The following NPAS3 variants were observed in gnomAD, a reference collection of about 807,000 sequenced individuals.
NPAS3 encodes neuronal PAS domain protein 3.
A neutral mutation model predicts 73.1 loss-of-function variants in NPAS3; 14 were observed. The observed-to-expected ratio is 0.19, with a 90% CI of 0.13 to 0.30. The LOEUF is 0.30. Ranked by LOEUF, NPAS3 falls within the 10% of genes least tolerant of loss-of-function variation. The pLI is 1.00. For missense variants in NPAS3, 1,096 were observed against 1,250.0 expected (o/e 0.88, Z 1.86); for synonymous variants, 620 against 541.5 (o/e 1.14, Z -2.01).
chr14:33,442,962 G>C (rs1043683521), intron 4 of NPAS3, among the ~76,000 whole-genome samples: 5 of 152,168 alleles, frequency 3.3e-5, no homozygotes, highest in African/African-American at 1.2e-4. Flanking sequence ...ACCCTTACCT[G>C]AGTTCTCTCT....
intron 1 of NPAS3, among the ~76,000 whole-genome samples, chr14:33,034,512 A>G (rs142385588): frequency 0.052 from 7,846 of 151,494 alleles, 229 homozygotes; most frequent in Non-Finnish European, 0.062. Flanking sequence ...GTTAATATAT[A>G]CCATATATTA....
intron 2 of NPAS3, among the ~76,000 whole-genome samples, chr14:33,139,459 A>C (rs2043962928): frequency 6.6e-6 from 1 of 152,186 alleles, no homozygotes; most frequent in Admixed American, 6.5e-5. Context: ...GAGAGGTGGG[A>C]ATCTTATATC....
At chr14:33,544,765 A>C (rs1474850612) in intron 4 of NPAS3, among the ~76,000 whole-genome samples, 1 of 122,524 alleles carries the variant, frequency 8.2e-6, no homozygotes, top group Non-Finnish European at 1.6e-5. Context: ...CAACATATGC[A>C]TGTATGTGTT....
intron 6 of NPAS3, among the ~76,000 whole-genome samples, chr14:33,704,817 C>T (rs1347243416): frequency 6.6e-6 from 1 of 152,158 alleles, no homozygotes; most frequent in African/African-American, 2.4e-5. Context: ...TTTTTGAATG[C>T]TGCTTAATGG....
chr14:33,097,650 G>A (rs947771731), intron 2 of NPAS3, among the ~76,000 whole-genome samples: 7 of 152,182 alleles, frequency 4.6e-5, no homozygotes, highest in African/African-American at 1.7e-4. Flanking sequence ...GAGAATTCCA[G>A]TAACTCTTTA....
chr14:33,683,427 CAAAAAAAAAA>C (rs1176606241), intron 6 of NPAS3, among the ~76,000 whole-genome samples: 4 of 77,524 alleles, frequency 5.2e-5, no homozygotes, highest in South Asian at 1.4e-3. Context: ...TTCCTCATTT[CAAAAAAAAAA>C]AAAAAAAAAA....
At chr14:33,273,183 G>A (rs893632035) in intron 3 of NPAS3, among the ~76,000 whole-genome samples, 6 of 152,100 alleles carry the variant, frequency 3.9e-5, no homozygotes, top group African/African-American at 1.2e-4. Flanking sequence ...TGACTCCCCC[G>A]CTCTTCCCCA....
chr14:33,424,417 A>G (rs968090294), intron 4 of NPAS3, among the ~76,000 whole-genome samples: 2 of 151,966 alleles, frequency 1.3e-5, no homozygotes, highest in African/African-American at 2.4e-5. Flanking sequence ...CAGAGGTTGT[A>G]TGATCAAACG....
At chr14:32,956,183 T>C (rs1438517762) in intron 1 of NPAS3, among the ~76,000 whole-genome samples, 1 of 152,150 alleles carries the variant, frequency 6.6e-6, no homozygotes, top group Non-Finnish European at 1.5e-5. Context: ...TTCCATAAAA[T>C]TTGAATTGCA....
At chr14:32,938,525 A>AGAGAGAGAGG (rs1566779564), upstream of NPAS3, among the ~76,000 whole-genome samples, 1 of 66,244 alleles carries the variant, frequency 1.5e-5, no homozygotes, top group African/African-American at 5.5e-5. Context: ...GAGAGAGAGA[A>AGAGAGAGAGG]GGGGGGGGAG....
chr14:33,767,538 G>A (rs2062502569), intron 7 of NPAS3, among the ~76,000 whole-genome samples: 4 of 150,268 alleles, frequency 2.7e-5, no homozygotes, highest in South Asian at 2.1e-4. Flanking sequence ...AGGTAAATTT[G>A]GATTCCCTTA....
intron 2 of NPAS3, among the ~76,000 whole-genome samples, chr14:33,107,826 T>C (rs1182544938): frequency 1.3e-5 from 2 of 152,190 alleles, no homozygotes; most frequent in Non-Finnish European, 2.9e-5. Context: ...AGATTTAATG[T>C]TGTTTGCCAG....
intron 3 of NPAS3, among the ~76,000 whole-genome samples, chr14:33,320,615 T>G (rs2043400762): frequency 6.6e-6 from 1 of 152,090 alleles, no homozygotes; most frequent in Non-Finnish European, 1.5e-5. Context: ...GCTCCCCAGA[T>G]AGATGGCATG....
At chr14:33,659,679 A>G (rs761835649) in intron 5 of NPAS3, among the ~76,000 whole-genome samples, 1 of 152,184 alleles carries the variant, frequency 6.6e-6, no homozygotes, top group Non-Finnish European at 1.5e-5. Context: ...TGTCAATTCT[A>G]CTAATAGTTT....
intron 4 of NPAS3, among the ~76,000 whole-genome samples, chr14:33,377,072 T>C (rs557599802): frequency 1.1e-4 from 17 of 152,348 alleles, no homozygotes; most frequent in Middle Eastern, 3.4e-3. Context: ...ATATTCTTTA[T>C]TGAACATGAC....
At chr14:33,727,094 G>A (rs1036776004) in intron 6 of NPAS3, among the ~76,000 whole-genome samples, 20 of 152,200 alleles carry the variant, frequency 1.3e-4, no homozygotes, top group South Asian at 8.3e-4. Context: ...ATCTAACTCC[G>A]TTTTAAAATA....
intron 1 of NPAS3, among the ~76,000 whole-genome samples, chr14:32,977,425 A>AGCACATGTGCAATTTC (rs2037734208): frequency 6.6e-6 from 1 of 151,654 alleles, no homozygotes; most frequent in Admixed American, 6.6e-5. Context: ...AAGGAGAAAA[A>AGCACATGTGCAATTTC]GCACATGTGC....
intron 4 of NPAS3, among the ~76,000 whole-genome samples, chr14:33,422,617 C>CA (rs2048401737): frequency 6.6e-6 from 1 of 151,886 alleles, no homozygotes; most frequent in Non-Finnish European, 1.5e-5. Flanking sequence ...TTCATGAGGG[C>CA]AGAGTCCCTT....
intron 2 of NPAS3, among the ~76,000 whole-genome samples, chr14:33,065,288 G>A (rs74930848): frequency 0.033 from 5,013 of 152,182 alleles, 130 homozygotes; most frequent in East Asian, 0.047. Context: ...AGAAACATAC[G>A]GCTTTTTTAG....
Sources: allele counts gnomAD v4.1 joint callset (sites outside exome capture counted in the v4.1 genomes callset), GRCh38; gene constraint gnomAD v4.1.1; transcripts MANE v1.5; gene names NCBI Gene and HGNC (gene_info 2026-07-23, HGNC 2026-07-21).